Variants in CSMD1 observed in about 807,000 individuals in gnomAD.
CSMD1 encodes CUB and sushi domain-containing protein 1.
Under a neutral mutation model 417.5 loss-of-function variants are expected in CSMD1, and 213 were observed. That is an observed-to-expected ratio of 0.51 (90% CI 0.46 to 0.57). The LOEUF is 0.57. CSMD1 is among the 20% of genes least tolerant of loss of function. The probability of loss-of-function intolerance (pLI) is 0.00; values close to 1 mark genes in which losing one functional copy is unlikely to be tolerated. For missense variants in CSMD1, 6,923 were observed against 4,529.7 expected (o/e 1.53, Z -15.17); for synonymous variants, 2,862 against 1,736.8 (o/e 1.65, Z -16.11).
intron 5 of CSMD1, among the ~76,000 whole-genome samples, chr8:3,884,718 T>G (rs921255474): frequency 6.6e-6 from 1 of 152,086 alleles, no homozygotes; most frequent in African/African-American, 2.4e-5. Context: ...AAAATGTCCA[T>G]GATTGGCCTT....
intron 7 of CSMD1, among the ~76,000 whole-genome samples, chr8:3,687,709 TG>T (rs1317953952): frequency 1.3e-5 from 2 of 152,160 alleles, no homozygotes; most frequent in East Asian, 3.9e-4. Context: ...TGATGGCTGG[TG>T]GCCTTTGGAA....
chr8:3,339,667 C>T (rs1481000036), intron 23 of CSMD1, among the ~76,000 whole-genome samples: 1 of 152,196 alleles, frequency 6.6e-6, no homozygotes, highest in Non-Finnish European at 1.5e-5. Flanking sequence ...GAAACTCTTA[C>T]TTCTTGCCTG....
chr8:4,722,944 C>T (rs546763679), intron 1 of CSMD1, among the ~76,000 whole-genome samples: 43 of 152,208 alleles, frequency 2.8e-4, no homozygotes, highest in African/African-American at 1.0e-3. Flanking sequence ...CAGATCTAAG[C>T]TCGGTGGGGT....
At chr8:3,411,231 C>G (rs546954232) in intron 12 of CSMD1, among the ~76,000 whole-genome samples, 6 of 152,188 alleles carry the variant, frequency 3.9e-5, no homozygotes, top group African/African-American at 1.2e-4. Context: ...GGTGGTTTCT[C>G]TGGACACCAG....
chr8:4,597,452 C>T (rs1053570743), intron 2 of CSMD1, among the ~76,000 whole-genome samples: 3 of 152,040 alleles, frequency 2.0e-5, no homozygotes, highest in African/African-American at 7.2e-5. Flanking sequence ...TAAACGAATG[C>T]TTTGAATTGA....
chr8:4,072,532 A>C (rs1799614000), intron 3 of CSMD1, among the ~76,000 whole-genome samples: 1 of 152,180 alleles, frequency 6.6e-6, no homozygotes, highest in Non-Finnish European at 1.5e-5. Context: ...AACAGGAATC[A>C]CATAGTTTTA....
chr8:4,814,714 G>A (rs541178823), intron 1 of CSMD1, among the ~76,000 whole-genome samples: 43 of 152,156 alleles, frequency 2.8e-4, no homozygotes, highest in South Asian at 1.9e-3. Context: ...GGTGTACCCT[G>A]TGACATAGGT....
Position 4,915,832 on chromosome 8 carries a change from T to C in CSMD1, c.85+78500A>G, listed in dbSNP as rs897623776. Among the ~76,000 whole-genome samples, 21 of 152,370 alleles carry C rather than the reference T, an allele frequency of 1.4e-4. No homozygotes were observed. In the East Asian group the frequency reaches 4.1e-3, roughly 29 times the overall value. ...CATCTTGGCCACACGGAGACCCATCTGTCACAATGGCATCCTGCCTATTTC... is the reference window on the plus strand; with the variant it reads ...CATCTTGGCCACACGGAGACCCATCCGTCACAATGGCATCCTGCCTATTTC... On this transcript the variant is annotated intron_variant, in intron 1 of 69. Coordinates refer to ENST00000635120, the MANE Select transcript of CSMD1 (RefSeq NM_033225.6).
chr8:3,785,440 G>A (rs1399456125), intron 5 of CSMD1, among the ~76,000 whole-genome samples: 1 of 152,286 alleles, frequency 6.6e-6, no homozygotes, highest in Middle Eastern at 3.4e-3. Flanking sequence ...ACCCAGCAAT[G>A]CCAAGATCAG....
chr8:4,051,891 C>CTTT (rs1798449219), intron 3 of CSMD1, among the ~76,000 whole-genome samples: 7 of 68,538 alleles, frequency 1.0e-4, no homozygotes, highest in Admixed American at 5.2e-4. Flanking sequence ...TTCCTTCCTT[C>CTTT]CTTCCTTCCT....
chr8:4,119,552 C>A (rs565750400), intron 3 of CSMD1, among the ~76,000 whole-genome samples: 2 of 151,020 alleles, frequency 1.3e-5, no homozygotes, highest in African/African-American at 4.9e-5. Context: ...TAGATGAGGC[C>A]TTAAGGGTGT....
chr8:3,531,608 G>T (rs568786327), intron 10 of CSMD1, among the ~76,000 whole-genome samples: 1 of 152,262 alleles, frequency 6.6e-6, no homozygotes, highest in South Asian at 2.1e-4. Context: ...TGGGAGGCTG[G>T]TCCACTCCAG....
chr8:4,503,128 G>C (rs1802343983), intron 2 of CSMD1, among the ~76,000 whole-genome samples: 1 of 152,124 alleles, frequency 6.6e-6, no homozygotes, highest in South Asian at 2.1e-4. Context: ...ATGTGTAATG[G>C]ATATGCTTTT....
chr8:4,488,115 C>A (rs923623723), intron 2 of CSMD1, among the ~76,000 whole-genome samples: 5 of 152,180 alleles, frequency 3.3e-5, no homozygotes, highest in South Asian at 2.1e-4. Context: ...AATAAGAAAG[C>A]AGGGTCTCCC....
At chr8:4,507,236 C>A (rs1230051768) in intron 2 of CSMD1, among the ~76,000 whole-genome samples, 1 of 152,148 alleles carries the variant, frequency 6.6e-6, no homozygotes, top group East Asian at 1.9e-4. Context: ...GATACCCATG[C>A]AAAAGTTAGC....
At chr8:3,262,753 C>G (rs1257763067) in intron 26 of CSMD1, among the ~76,000 whole-genome samples, 1 of 151,982 alleles carries the variant, frequency 6.6e-6, no homozygotes, top group Non-Finnish European at 1.5e-5. Flanking sequence ...CTTTAATAAG[C>G]TTAGTGTTTA....
chr8:4,450,465 A>C lies in CSMD1; in HGVS notation c.303-30400T>G, dbSNP rs139536862. Among the ~76,000 whole-genome samples the C allele has an allele frequency of 4.3e-3, 660 of 152,192 alleles. 3 individuals are homozygous for C. Among genetic ancestry groups the C allele is most frequent in the African/African-American group, 0.015 (620 of 41,526 alleles). Reference sequence around the variant, plus strand: ...ACAGGGTGAAACCTCATCTCTACTGAAAATACAAAATTGACAAAAATTATC... The same window carrying C: ...ACAGGGTGAAACCTCATCTCTACTGCAAATACAAAATTGACAAAAATTATC... On this transcript the variant is annotated intron_variant, in intron 2 of 69. Coordinates refer to ENST00000635120, the MANE Select transcript of CSMD1 (RefSeq NM_033225.6).
chr8:4,261,070 T>G (rs1245409418), intron 3 of CSMD1, among the ~76,000 whole-genome samples: 1 of 152,194 alleles, frequency 6.6e-6, no homozygotes, highest in African/African-American at 2.4e-5. Flanking sequence ...TCCGGATACC[T>G]TGTTTTGTGC....
At chr8:4,606,093 G>A (rs1017352204) in intron 2 of CSMD1, among the ~76,000 whole-genome samples, 3 of 152,048 alleles carry the variant, frequency 2.0e-5, no homozygotes, top group South Asian at 2.1e-4. Flanking sequence ...TATATCTCAC[G>A]TTCAAAATTG....
Sources: gnomAD v4.1 joint callset for allele counts (sites outside exome capture counted in the v4.1 genomes callset) on GRCh38, gnomAD v4.1.1 for gene constraint, MANE v1.5 for transcripts, NCBI Gene and HGNC (gene_info 2026-07-23, HGNC 2026-07-21) for gene names.